The following HAPLN2 variants were observed in gnomAD, a reference collection of about 807,000 sequenced individuals.
The protein encoded by HAPLN2 is hyaluronan and proteoglycan link protein 2.
HAPLN2 carries 27 observed loss-of-function variants against 29.3 expected under a neutral mutation model. The observed-to-expected ratio is 0.92, with a 90% CI of 0.68 to 1.27. The LOEUF is 1.27. HAPLN2 is among the 50% of genes most tolerant of loss of function. The pLI is 0.00. For missense variants in HAPLN2, 454 were observed against 484.3 expected (o/e 0.94, Z 0.59); for synonymous variants, 208 against 211.7 (o/e 0.98, Z 0.15).
the HAPLN2 span, among the ~76,000 whole-genome samples, chr1:156,608,553 T>A: frequency 1.3e-5 from 2 of 152,096 alleles, no homozygotes; most frequent in Non-Finnish European, 2.9e-5. Context: ...TCCTTACTTT[T>A]TTTTTTAAAG....
intron 2 of HAPLN2, 131 bp from the exon 3 acceptor site, chr1:156,623,336 T>A: frequency 1.4e-6 from 1 of 695,346 alleles, no homozygotes; most frequent in South Asian, 2.0e-5. Flanking sequence ...CACCAACCCC[T>A]TTTCTCTGCC....
the HAPLN2 span, among the ~76,000 whole-genome samples, chr1:156,604,555 T>C: frequency 6.6e-6 from 1 of 152,208 alleles, no homozygotes; most frequent in African/African-American, 2.4e-5. Context: ...CCCAAAGTAC[T>C]GGGATTAAAG....
the HAPLN2 span, among the ~76,000 whole-genome samples, chr1:156,608,224 C>T: frequency 2.0e-5 from 3 of 152,224 alleles, no homozygotes; most frequent in South Asian, 4.1e-4. Flanking sequence ...TGGAATGAGA[C>T]GTGCTCTCAG....
the HAPLN2 span, chr1:156,601,545 T>C: frequency 2.2e-6 from 3 of 1,354,054 alleles, no homozygotes; most frequent in Non-Finnish European, 3.1e-6. Context: ...ATCACGGTTT[T>C]TCCAGGAGAA....
upstream of HAPLN2, among the ~76,000 whole-genome samples, chr1:156,616,146 T>C (rs1678054140): frequency 6.6e-6 from 1 of 151,950 alleles, no homozygotes; most frequent in Non-Finnish European, 1.5e-5. Context: ...AGTGTGGGTG[T>C]TAGAGAAGGA....
In HAPLN2 at chr1:156,623,497, G is replaced by C; in HGVS notation, c.7G>C (p.Gly3Arg). ...GCCGGGCTGACCCCCCATCATGCCA[G>C]GCTGGCTCACCCTCCCCACACTCTG... The part of the protein sequence containing the change: MP[G>R]WLTLPTLCRF... Residue 3 changes from glycine to arginine, a missense_variant, in exon 3 of 7, where the codon GGC (glycine) becomes CGC (arginine). This residue lies in a region of HAPLN2 where 204 missense variants were observed against 209.2 expected (regional missense o/e 0.98). Coordinates refer to ENST00000255039, the MANE Select transcript of HAPLN2 (RefSeq NM_021817.3). 1.9e-6 allele frequency: 3 copies of C among 1,614,070 alleles called. No individual in the cohort carries two copies. Among genetic ancestry groups the C allele is most frequent in the Non-Finnish European group, 2.5e-6 (3 of 1,179,986 alleles).
In HAPLN2 at chr1:156,625,650, C is replaced by T; in HGVS notation, c.*266C>T. 2 of 432,596 alleles carry T rather than the reference C, an allele frequency of 4.6e-6. No homozygotes were observed. Among genetic ancestry groups the T allele is most frequent in the Non-Finnish European group, 8.1e-6 (2 of 245,970 alleles). 26.8% of individuals were successfully genotyped at this position (432,596 alleles called of 1,614,324 possible). ...GAACCCTAGCAGAGGACTCAGCCACCGCCGGGGGGAGGGTGAGGCGGCCGG... is the reference window on the plus strand; with the variant it reads ...GAACCCTAGCAGAGGACTCAGCCACTGCCGGGGGGAGGGTGAGGCGGCCGG... On this transcript the variant is annotated 3_prime_UTR_variant, in exon 7 of 7. Coordinates refer to ENST00000255039, the MANE Select transcript of HAPLN2 (RefSeq NM_021817.3). The surrounding 1 kb of genome is among the most constrained non-coding windows in gnomAD (Gnocchi z 5.7).
chr1:156,603,238 GGTTTCCCTGT>G, the HAPLN2 span, among the ~76,000 whole-genome samples: 1 of 150,640 alleles, frequency 6.6e-6, no homozygotes, highest in East Asian at 2.0e-4. Context: ...TTTGAGATGG[GGTTTCCCTGT>G]GTTTCCCAGG....
chr1:156,610,652 A>G, the HAPLN2 span, among the ~76,000 whole-genome samples: 119 of 151,940 alleles, frequency 7.8e-4, no homozygotes, highest in African/African-American at 2.6e-3. Context: ...AAAAAAAAAA[A>G]GAAAAGAAAA....
At chr1:156,610,531 T>C in the HAPLN2 span, among the ~76,000 whole-genome samples, 1 of 151,628 alleles carries the variant, frequency 6.6e-6, no homozygotes, top group Admixed American at 6.6e-5. Flanking sequence ...TCCCAGCTAC[T>C]CGGGAGGCTA....
chr1:156,617,156 G>A (rs1678077583), upstream of HAPLN2, among the ~76,000 whole-genome samples: 1 of 151,860 alleles, frequency 6.6e-6, no homozygotes, highest in African/African-American at 2.4e-5. Context: ...TATGGCCCAA[G>A]TGAAAACCTG....
chr1:156,615,572 C>CTT (rs770223466), upstream of HAPLN2, among the ~76,000 whole-genome samples: 38 of 81,732 alleles, frequency 4.6e-4, no homozygotes, highest in South Asian at 3.4e-3. Context: ...CTCTCTCTCT[C>CTT]TTTTTTTTTT....
intron 2 of HAPLN2, among the ~76,000 whole-genome samples, chr1:156,623,064 A>ATAAATAAG (rs1164287772): frequency 1.1e-4 from 16 of 148,702 alleles, no homozygotes; most frequent in African/African-American, 3.9e-4. Flanking sequence ...AAATAAATAA[A>ATAAATAAG]TAAATAAATA....
At chr1:156,618,909 G>C (rs1215615691), upstream of HAPLN2, among the ~76,000 whole-genome samples, 1 of 151,902 alleles carries the variant, frequency 6.6e-6, no homozygotes, top group Non-Finnish European at 1.5e-5. Context: ...GAATATTAGG[G>C]AACCAATAAG....
In HAPLN2 at chr1:156,624,087, C is replaced by T. The variant is rs1308456827; in HGVS notation, c.366C>T (p.Asp122=). The T allele has an allele frequency of 3.7e-6, 6 of 1,613,648 alleles. No individual in the cohort carries two copies. Among genetic ancestry groups the T allele is most frequent in the Non-Finnish European group, 3.4e-6 (4 of 1,179,914 alleles). The part of the protein sequence containing the change: ...SLVIAGVRLE[D]EGRYRCELIN... ...TCATCGCGGGCGTGCGCCTGGAGGA[C>T]GAGGGCCGGTACCGCTGCGAGCTCA... Residue 122 remains aspartate, a synonymous_variant, in exon 4 of 7, where the codon GAC becomes GAT. Coordinates refer to ENST00000255039, the MANE Select transcript of HAPLN2 (RefSeq NM_021817.3).
chr1:156,623,662 A>C, intron 3 of HAPLN2, 87 bp downstream of exon 3: 7 of 1,571,330 alleles, frequency 4.5e-6, no homozygotes, highest in Non-Finnish European at 6.0e-6. Context: ...TGTTGCAGGT[A>C]CCCAGGGACT....
chr1:156,606,458 C>A, the HAPLN2 span, among the ~76,000 whole-genome samples: 1 of 147,266 alleles, frequency 6.8e-6, no homozygotes, highest in African/African-American at 2.5e-5. Context: ...GGAAAGAATC[C>A]TGTGAAGTCA....
At chr1:156,607,929 T>G in the HAPLN2 span, among the ~76,000 whole-genome samples, 1 of 152,090 alleles carries the variant, frequency 6.6e-6, no homozygotes, top group South Asian at 2.1e-4. Context: ...TTATTCACTT[T>G]TCTTTCTGTT....
At position 156,624,902 on chromosome 1, in the gene HAPLN2, C is replaced by G. The variant is rs1312461761; in HGVS notation, c.739+119C>G. The stretch of plus-strand genomic sequence containing the variant: ...CCGGGTCCCTCCAAGGCACCGCCCC[C>G]CCATCAGCCCGCCCGCCCGCCCAGG... On this transcript the variant is annotated intron_variant, in intron 6 of 6. Coordinates refer to ENST00000255039, the MANE Select transcript of HAPLN2 (RefSeq NM_021817.3). 3.3e-6 allele frequency: 4 copies of G among 1,200,096 alleles called. No homozygotes were observed. In the South Asian group the frequency reaches 4.8e-5, roughly 14 times the overall value. The allele number at this position is 1,200,096 out of a possible 1,614,324, so 74.3% of individuals were successfully genotyped here.
Sources: allele counts gnomAD v4.1 joint callset (sites outside exome capture counted in the v4.1 genomes callset), GRCh38; gene constraint gnomAD v4.1.1; regional missense constraint gnomAD v4.1.1; non-coding constraint Gnocchi (gnomAD v3.1); transcripts MANE v1.5; gene names NCBI Gene and HGNC (gene_info 2026-07-23, HGNC 2026-07-21).